The following XKR6 variants were observed in gnomAD, a reference collection of about 807,000 sequenced individuals.
The protein encoded by XKR6 is XK-related protein 6.
XKR6 carries 22 observed loss-of-function variants against 56.7 expected under a neutral mutation model. That is an observed-to-expected ratio of 0.39 (90% CI 0.28 to 0.55). The LOEUF is 0.55. XKR6 is among the 20% of genes least tolerant of loss of function. The probability of loss-of-function intolerance (pLI) is 0.66; values close to 1 mark genes in which losing one functional copy is unlikely to be tolerated. For missense variants in XKR6, 852 were observed against 889.0 expected, an observed-to-expected ratio of 0.96 and a Z score of 0.53; for synonymous variants, 524 against 387.8, an observed-to-expected ratio of 1.35 and a Z score of -4.13.
At chr8:11,110,816 A>C (rs1052372123) in intron 1 of XKR6, among the ~76,000 whole-genome samples, 4 of 152,086 alleles carry the variant, frequency 2.6e-5, no homozygotes, top group African/African-American at 9.6e-5. Flanking sequence ...TAGCATGTTC[A>C]GGTACATGGA....
At chr8:10,973,673 C>T (rs1469304908) in intron 1 of XKR6, among the ~76,000 whole-genome samples, 3 of 152,152 alleles carry the variant, frequency 2.0e-5, no homozygotes, top group South Asian at 2.1e-4. Context: ...CCTCCACCTC[C>T]GGGGCTCAAA....
intron 1 of XKR6, among the ~76,000 whole-genome samples, chr8:11,057,658 G>T (rs1372668909): frequency 6.6e-6 from 1 of 152,188 alleles, no homozygotes; most frequent in Non-Finnish European, 1.5e-5. Flanking sequence ...AAGGACCCAG[G>T]CTCCATTGGC....
chr8:11,058,016 T>G (rs1289326487), intron 1 of XKR6, among the ~76,000 whole-genome samples: 1 of 152,212 alleles, frequency 6.6e-6, no homozygotes, highest in Non-Finnish European at 1.5e-5. Context: ...TGCCTTTAAC[T>G]CTAAATGACC....
At chr8:10,947,114 C>A (rs181739692) in intron 1 of XKR6, among the ~76,000 whole-genome samples, 2 of 152,036 alleles carry the variant, frequency 1.3e-5, no homozygotes, top group Non-Finnish European at 2.9e-5. Flanking sequence ...CGGGTTGGAG[C>A]GGAAGACACA....
chr8:10,968,648 C>T (rs1474103242), intron 1 of XKR6, among the ~76,000 whole-genome samples: 1 of 152,242 alleles, frequency 6.6e-6, no homozygotes, highest in East Asian at 1.9e-4. Flanking sequence ...CAGTTGTCAG[C>T]TCAGGAGCAT....
At chr8:11,034,056 G>A (rs910793156) in intron 1 of XKR6, among the ~76,000 whole-genome samples, 8 of 152,176 alleles carry the variant, frequency 5.3e-5, no homozygotes, top group African/African-American at 1.9e-4. Context: ...AGTGCCAACT[G>A]TCTGCAAAGC....
chr8:11,075,228 G>C (rs1800241589), intron 1 of XKR6, among the ~76,000 whole-genome samples: 1 of 152,218 alleles, frequency 6.6e-6, no homozygotes, highest in African/African-American at 2.4e-5. Flanking sequence ...TGAGAAATCT[G>C]AGCCTAGTCC....
intron 1 of XKR6, among the ~76,000 whole-genome samples, chr8:11,017,599 AGG>A (rs1158621522): frequency 6.6e-6 from 1 of 152,170 alleles, no homozygotes; most frequent in Non-Finnish European, 1.5e-5. Flanking sequence ...CCTGCTCGAG[AGG>A]GGCTGACATT....
intron 1 of XKR6, among the ~76,000 whole-genome samples, chr8:11,098,674 G>C (rs1402628082): frequency 1.3e-5 from 2 of 152,224 alleles, no homozygotes; most frequent in Non-Finnish European, 2.9e-5. Flanking sequence ...TTTATAGTAT[G>C]TGGAAAGTTT....
At chr8:10,994,506 G>T (rs909045589) in intron 1 of XKR6, among the ~76,000 whole-genome samples, 4 of 152,208 alleles carry the variant, frequency 2.6e-5, no homozygotes, top group African/African-American at 9.7e-5. Flanking sequence ...TCTGCAAGGC[G>T]CCTGTCCTCA....
At position 11,037,952 on chromosome 8, in the gene XKR6, A is replaced by C. The variant is rs187182870; in HGVS notation, c.765-113122T>G. 4.2e-3 allele frequency among the ~76,000 whole-genome samples: 640 copies of C among 151,524 alleles called. 6 individuals carry two copies. The highest frequency in any genetic ancestry group is 0.015 in the African/African-American group (621 of 41,292). ...TGAGGCAGGAGAATTGCTTGAACCC[A>C]GGAGGCAGAGGTTGTAGTGAGCCAA... On this transcript the variant is annotated intron_variant, in intron 1 of 2. Coordinates refer to ENST00000416569, the MANE Select transcript of XKR6 (RefSeq NM_173683.4).
chr8:11,159,610 C>A (rs565388181), intron 1 of XKR6, among the ~76,000 whole-genome samples: 1 of 152,196 alleles, frequency 6.6e-6, no homozygotes, highest in Non-Finnish European at 1.5e-5. Context: ...AGTCCCCAAT[C>A]CAAACTAGAG....
At chr8:11,121,619 C>T (rs1030675662) in intron 1 of XKR6, among the ~76,000 whole-genome samples, 2 of 152,196 alleles carry the variant, frequency 1.3e-5, no homozygotes, top group African/African-American at 2.4e-5. Flanking sequence ...TTGTGGAAGT[C>T]AGTGTGGCGA....
At chr8:11,061,063 G>C (rs763579201) in intron 1 of XKR6, among the ~76,000 whole-genome samples, 1 of 152,190 alleles carries the variant, frequency 6.6e-6, no homozygotes. Context: ...GAGATGGCCC[G>C]TCTGCCAGCT....
chr8:11,074,183 C>T (rs542064535), intron 1 of XKR6, among the ~76,000 whole-genome samples: 1 of 152,286 alleles, frequency 6.6e-6, no homozygotes, highest in East Asian at 1.9e-4. Context: ...ACGGCCCCAG[C>T]GATGGGGCTG....
chr8:10,998,848 C>G (rs1053563466), intron 1 of XKR6, among the ~76,000 whole-genome samples: 3 of 152,218 alleles, frequency 2.0e-5, no homozygotes, highest in African/African-American at 7.2e-5. Flanking sequence ...TGCCTCCAAG[C>G]AGCATGGCAG....
intron 1 of XKR6, among the ~76,000 whole-genome samples, chr8:10,967,981 C>A (rs570708186): frequency 3.3e-3 from 501 of 152,308 alleles, no homozygotes; most frequent in Non-Finnish European, 5.9e-3. Context: ...GATACCTCGG[C>A]CCCTCAGCCC....
At chr8:11,062,179 C>G (rs563792456) in intron 1 of XKR6, among the ~76,000 whole-genome samples, 1 of 152,216 alleles carries the variant, frequency 6.6e-6, no homozygotes, top group East Asian at 1.9e-4. Flanking sequence ...ATCGGCCCAT[C>G]CTGCCCTGGG....
intron 1 of XKR6, among the ~76,000 whole-genome samples, chr8:11,107,535 CA>C (rs1200237649): frequency 6.6e-6 from 1 of 152,154 alleles, no homozygotes; most frequent in Admixed American, 6.5e-5. Context: ...ACATTTATAT[CA>C]ACCAGCAGGG....
Sources: gnomAD v4.1 joint callset for allele counts (sites outside exome capture counted in the v4.1 genomes callset) on GRCh38, gnomAD v4.1.1 for gene constraint, MANE v1.5 for transcripts, NCBI Gene and HGNC (gene_info 2026-07-23, HGNC 2026-07-21) for gene names.